The following MAD1L1 variants were observed in gnomAD, a reference collection of about 807,000 sequenced individuals.
The protein encoded by MAD1L1 is mitotic arrest deficient 1 like 1.
A neutral mutation model predicts 96.9 loss-of-function variants in MAD1L1; 95 were observed. That is an observed-to-expected ratio of 0.98 (90% CI 0.83 to 1.16). The LOEUF (loss-of-function observed/expected upper bound fraction) is 1.16, where lower values mean the gene tolerates loss of function less well. Ranked by LOEUF, MAD1L1 falls within the 50% of genes most tolerant of loss-of-function variation. The probability of loss-of-function intolerance (pLI) is 0.00; values close to 1 mark genes in which losing one functional copy is unlikely to be tolerated. For missense variants in MAD1L1, 1,007 were observed against 954.4 expected, an observed-to-expected ratio of 1.06 and a Z score of -0.73; for synonymous variants, 473 against 396.6, an observed-to-expected ratio of 1.19 and a Z score of -2.29.
At chr7:1,824,360 G>A (rs569879246) in intron 18 of MAD1L1, among the ~76,000 whole-genome samples, 10 of 151,584 alleles carry the variant, frequency 6.6e-5, no homozygotes, top group African/African-American at 1.7e-4. Flanking sequence ...CCTCTCTTGA[G>A]CCTGGTCTGC....
intron 17 of MAD1L1, among the ~76,000 whole-genome samples, chr7:1,909,077 G>A (rs1583745139): frequency 6.6e-6 from 1 of 152,238 alleles, no homozygotes. Context: ...AGGAGGGAAC[G>A]TGCCCAGACT....
At chr7:1,838,118 G>A (rs865859330) in intron 18 of MAD1L1, among the ~76,000 whole-genome samples, 7 of 152,274 alleles carry the variant, frequency 4.6e-5, no homozygotes, top group South Asian at 4.2e-4. Context: ...CGAAACCCAC[G>A]CCAACACCCA....
intron 14 of MAD1L1, among the ~76,000 whole-genome samples, chr7:1,996,962 G>A (rs1781588152): frequency 1.3e-5 from 2 of 152,122 alleles, no homozygotes; most frequent in Non-Finnish European, 2.9e-5. Context: ...TTTTAGAGCT[G>A]TAATCAAAAG....
intron 10 of MAD1L1, among the ~76,000 whole-genome samples, chr7:2,161,340 C>T (rs998533622): frequency 3.3e-5 from 5 of 151,902 alleles, no homozygotes; most frequent in Non-Finnish European, 7.4e-5. Context: ...CTCCTGACCG[C>T]GAGTGATCTG....
At chr7:2,017,880 G>C (rs1350504295) in intron 12 of MAD1L1, among the ~76,000 whole-genome samples, 2 of 152,172 alleles carry the variant, frequency 1.3e-5, no homozygotes, top group African/African-American at 4.8e-5. Context: ...AGGGCCCAGT[G>C]CCCTTGGAAG....
intron 11 of MAD1L1, among the ~76,000 whole-genome samples, chr7:2,118,594 G>A (rs1040821760): frequency 7.9e-5 from 12 of 152,226 alleles, no homozygotes; most frequent in African/African-American, 2.2e-4. Flanking sequence ...TGTTGTTGGT[G>A]ACAGGCCCTC....
chr7:2,201,494 C>T (rs1324832965), intron 10 of MAD1L1, among the ~76,000 whole-genome samples: 1 of 152,190 alleles, frequency 6.6e-6, no homozygotes, highest in Non-Finnish European at 1.5e-5. Context: ...CAGATACCAC[C>T]AGGGATGCCA....
chr7:1,960,001 T>C (rs1334005964), intron 15 of MAD1L1, among the ~76,000 whole-genome samples: 7 of 152,054 alleles, frequency 4.6e-5, no homozygotes, highest in African/African-American at 1.7e-4. Flanking sequence ...ATTTAATATA[T>C]AGAATAAATA....
intron 17 of MAD1L1, among the ~76,000 whole-genome samples, chr7:1,922,823 G>C (rs1788873726): frequency 6.6e-6 from 1 of 152,236 alleles, no homozygotes; most frequent in African/African-American, 2.4e-5. Flanking sequence ...GTTTCCCCAT[G>C]AACGTGTGTT....
At chr7:2,101,166 C>A (rs576656364) in intron 11 of MAD1L1, among the ~76,000 whole-genome samples, 1 of 152,346 alleles carries the variant, frequency 6.6e-6, no homozygotes, top group South Asian at 2.1e-4. Flanking sequence ...ACTGGAAAAA[C>A]CCTAGTTTCC....
At chr7:1,994,151 C>G (rs1781459702) in intron 14 of MAD1L1, among the ~76,000 whole-genome samples, 1 of 152,240 alleles carries the variant, frequency 6.6e-6, no homozygotes. Flanking sequence ...GGGGGATAAT[C>G]TGTGTAAACA....
At chr7:1,852,725 C>T (rs1006731640) in intron 18 of MAD1L1, among the ~76,000 whole-genome samples, 10 of 151,970 alleles carry the variant, frequency 6.6e-5, no homozygotes, top group Admixed American at 2.6e-4. Flanking sequence ...CACCCGGTGT[C>T]GGCACAGGCC....
chr7:1,898,656 A>G (rs1787049162), intron 17 of MAD1L1, among the ~76,000 whole-genome samples: 1 of 152,172 alleles, frequency 6.6e-6, no homozygotes, highest in Non-Finnish European at 1.5e-5. Flanking sequence ...GAGCCAGACT[A>G]CAAGCAGCCA....
intron 12 of MAD1L1, among the ~76,000 whole-genome samples, chr7:2,030,699 C>A (rs367810142): frequency 6.6e-6 from 1 of 152,194 alleles, no homozygotes; most frequent in Non-Finnish European, 1.5e-5. Context: ...TCTCTTTTCC[C>A]GATGAAAGGG....
intron 18 of MAD1L1, among the ~76,000 whole-genome samples, chr7:1,825,281 A>T (rs1214673922): frequency 6.6e-6 from 1 of 152,016 alleles, no homozygotes; most frequent in Admixed American, 6.5e-5. Flanking sequence ...GTCTCCAGAC[A>T]CTCTGTGGGA....
Position 1,987,497 on chromosome 7 carries a change from T to G in MAD1L1, c.1417-6956A>C, listed in dbSNP as rs541172216. Among the ~76,000 whole-genome samples, 5 of 151,506 alleles carry G rather than the reference T, an allele frequency of 3.3e-5. No individual in the cohort carries two copies. In the East Asian group the frequency reaches 9.7e-4, roughly 29 times the overall value. On this transcript the variant is annotated intron_variant, in intron 14 of 18. Transcript: ENST00000265854. ...CATGCTGAGCACACAAGCCCCGGAG[T>G]CTGCTCTGCTGTCCGCCAATTTGAG...
chr7:1,875,721 C>T (rs991620132), intron 18 of MAD1L1, among the ~76,000 whole-genome samples: 9 of 152,218 alleles, frequency 5.9e-5, no homozygotes, highest in East Asian at 3.8e-4. Flanking sequence ...CGTGCACAGA[C>T]GTGTGCGAAC....
At chr7:1,896,124 C>T (rs913518044) in intron 18 of MAD1L1, among the ~76,000 whole-genome samples, 4 of 152,188 alleles carry the variant, frequency 2.6e-5, no homozygotes, top group South Asian at 2.1e-4. Flanking sequence ...GCTCTCTGTC[C>T]GCCTGCCTCC....
chr7:2,062,720 T>C (rs547942936), intron 12 of MAD1L1, among the ~76,000 whole-genome samples: 2 of 152,088 alleles, frequency 1.3e-5, no homozygotes, highest in Non-Finnish European at 1.5e-5. Flanking sequence ...TTGTGCACAC[T>C]AAACTTCAAC....
Sources: gnomAD v4.1 joint callset for allele counts (sites outside exome capture counted in the v4.1 genomes callset) on GRCh38, gnomAD v4.1.1 for gene constraint, MANE v1.5 for transcripts, NCBI Gene and HGNC (gene_info 2026-07-23, HGNC 2026-07-21) for gene names.